PROX1: variants seen among roughly 807,000 people sequenced by gnomAD.
The protein encoded by PROX1 is prospero homeobox protein 1.
A neutral mutation model predicts 58.8 loss-of-function variants in PROX1; 7 were observed. The observed-to-expected ratio is 0.12, with a 90% confidence interval of 0.07 to 0.22. The LOEUF is 0.22. Ranked by LOEUF, PROX1 falls within the 10% of genes least tolerant of loss-of-function variation. PROX1 has a pLI of 1.00. For missense variants in PROX1, 675 were observed against 927.8 expected (o/e 0.73, Z 3.54); for synonymous variants, 350 against 358.3 (o/e 0.98, Z 0.26).
chr1:214,025,888 T>C (rs1664438067), intron 4 of PROX1, among the ~76,000 whole-genome samples: 1 of 152,062 alleles, frequency 6.6e-6, no homozygotes, highest in Admixed American at 6.5e-5. Context: ...GGTATTGAAC[T>C]CCTGACCTCA....
chr1:213,995,849 T>C (rs570824463), intron 1 of PROX1, among the ~76,000 whole-genome samples: 1 of 152,232 alleles, frequency 6.6e-6, no homozygotes. Flanking sequence ...TTTATTTCAA[T>C]GCTAAACTGA....
chr1:214,011,869 A>G (rs1663921587), intron 4 of PROX1, among the ~76,000 whole-genome samples, 154 bp downstream of exon 4: 2 of 152,198 alleles, frequency 1.3e-5, no homozygotes, highest in African/African-American at 4.8e-5. Flanking sequence ...AGGAGCTTCC[A>G]TAGTCCCCAT....
chr1:213,984,400 A>G (rs1485383036), upstream of PROX1: 1 of 152,162 alleles, frequency 6.6e-6, no homozygotes, highest in Admixed American at 6.5e-5. Context: ...AAATTCTTGT[A>G]AGGGTTATAT....
intron 4 of PROX1, among the ~76,000 whole-genome samples, chr1:214,031,098 C>T (rs1170971229): frequency 3.9e-5 from 6 of 152,104 alleles, no homozygotes; most frequent in Non-Finnish European, 5.9e-5. Flanking sequence ...CGCACACACA[C>T]GCGCAACCCA....
At chr1:213,984,364 T>G (rs1662773568), upstream of PROX1, 1 of 152,226 alleles carries the variant, frequency 6.6e-6, no homozygotes, top group Non-Finnish European at 1.5e-5. Flanking sequence ...AAAAATTACT[T>G]TCTTTCTGCC....
In PROX1 at chr1:214,013,584, T is replaced by G. The variant is rs560508109; in HGVS notation, c.2028+1869T>G. Reference sequence around the variant, plus strand: ...GTGCGCACGAGGGTTTTCGGGTTGCTTAAACCTTACCTGGTTGGAATTTAA... The same window carrying G: ...GTGCGCACGAGGGTTTTCGGGTTGCGTAAACCTTACCTGGTTGGAATTTAA... On this transcript the variant is annotated intron_variant, in intron 4 of 4. Transcript: ENST00000366958. 1.1e-4 allele frequency among the ~76,000 whole-genome samples: 17 copies of G among 152,050 alleles called. 1 individual carries two copies. Among genetic ancestry groups the G allele is most frequent in the African/African-American group, 3.9e-4 (16 of 41,466 alleles).
chr1:214,016,008 A>T (rs942362355), intron 4 of PROX1, among the ~76,000 whole-genome samples: 1 of 152,126 alleles, frequency 6.6e-6, no homozygotes. Flanking sequence ...AACTTGATTC[A>T]CTCATTAGTG....
At chr1:213,995,406 C>A (rs898509945) in intron 1 of PROX1, among the ~76,000 whole-genome samples, 1 of 151,858 alleles carries the variant, frequency 6.6e-6, no homozygotes, top group Non-Finnish European at 1.5e-5. Flanking sequence ...CCCTTTCTCA[C>A]ACATTTGATG....
Position 214,039,800 on chromosome 1 carries a change from TACACACACACACAC to T in PROX1, c.*3984_*3997del, listed in dbSNP as rs34477510. On this transcript the variant is annotated 3_prime_UTR_variant, in exon 5 of 5. Coordinates refer to ENST00000366958, the MANE Select transcript of PROX1 (RefSeq NM_001270616.2). ...CCCTTCCCATGCGCACATGTGCGCA[TACACACACACACAC>T]ACACACACACACACACAAACACACA... The T allele has an allele frequency of 7.4e-5, 10 of 134,936 alleles. No individual in the cohort carries two copies. Among genetic ancestry groups the T allele is most frequent in the Non-Finnish European group, 1.1e-4 (7 of 63,874 alleles). The allele number at this position is 134,936 out of a possible 1,614,324, so 8.4% of individuals were successfully genotyped here. A position where few individuals can be genotyped will look rare whatever the true frequency, so the allele number is the denominator to read the frequency against.
At chr1:214,000,743 A>G (rs1231812354) in intron 2 of PROX1, among the ~76,000 whole-genome samples, 2 of 152,162 alleles carry the variant, frequency 1.3e-5, no homozygotes, top group Non-Finnish European at 2.9e-5. Context: ...TTCTGAAACC[A>G]GTGAGGATCT....
chr1:213,996,394 A>G (rs187895386), intron 1 of PROX1, 75 bp from the exon 2 acceptor site: 7 of 975,814 alleles, frequency 7.2e-6, no homozygotes, highest in Non-Finnish European at 1.0e-5. Flanking sequence ...TTTGCATTTG[A>G]TTCAGGATTG....
chr1:213,985,958 T>G (rs777740045), upstream of PROX1: 3 of 152,216 alleles, frequency 2.0e-5, no homozygotes, highest in African/African-American at 7.2e-5. Flanking sequence ...CGCTAACTTA[T>G]ATGTACAAAC....
chr1:214,010,405 C>T (rs1045379301), intron 3 of PROX1, among the ~76,000 whole-genome samples: 4 of 152,200 alleles, frequency 2.6e-5, no homozygotes, highest in African/African-American at 9.7e-5. Flanking sequence ...CCCCAATACA[C>T]ACTTTAGCTG....
chr1:213,984,060 G>C (rs1294722465), upstream of PROX1: 1 of 152,246 alleles, frequency 6.6e-6, no homozygotes, highest in Non-Finnish European at 1.5e-5. Flanking sequence ...CTGAGGCAAA[G>C]CCAGGGTTGG....
At chr1:213,992,475 T>C (rs770935868) in intron 1 of PROX1, among the ~76,000 whole-genome samples, 1 of 152,116 alleles carries the variant, frequency 6.6e-6, no homozygotes, top group Non-Finnish European at 1.5e-5. Flanking sequence ...CCATCTGATT[T>C]TTCCCCTTTG....
intron 1 of PROX1, among the ~76,000 whole-genome samples, chr1:213,992,757 C>A (rs559509013): frequency 6.6e-6 from 1 of 152,278 alleles, no homozygotes; most frequent in Non-Finnish European, 1.5e-5. Flanking sequence ...CGTAATGAAA[C>A]ACTTCTTTGT....
At chr1:214,007,690 A>AATACACATATACATAT (rs1190348685) in intron 3 of PROX1, among the ~76,000 whole-genome samples, 1 of 152,234 alleles carries the variant, frequency 6.6e-6, no homozygotes, top group Non-Finnish European at 1.5e-5. Flanking sequence ...ATGGGTTCAC[A>AATACACATATACATAT]ATACACATAT....
upstream of PROX1, chr1:213,987,727 G>A (rs1234159095): frequency 3.6e-5 from 5 of 140,410 alleles, no homozygotes; most frequent in Middle Eastern, 3.7e-3. Context: ...GTGGGGGCCG[G>A]GGATGGAGGC....
chr1:214,033,910 T>C (rs1664746148), intron 4 of PROX1, among the ~76,000 whole-genome samples: 1 of 152,174 alleles, frequency 6.6e-6, no homozygotes. Context: ...AAAATCCACA[T>C]GAATTCTCAG....
Sources: allele counts gnomAD v4.1 joint callset (sites outside exome capture counted in the v4.1 genomes callset), GRCh38; gene constraint gnomAD v4.1.1; transcripts MANE v1.5; gene names NCBI Gene and HGNC (gene_info 2026-07-23, HGNC 2026-07-21).